The following NALF1 variants were observed in gnomAD, a reference collection of about 807,000 sequenced individuals.
The protein encoded by NALF1 is family with sequence similarity 155 member A.
Under a neutral mutation model 48.4 loss-of-function variants are expected in NALF1, and 3 were observed. The ratio of observed to expected loss-of-function variants is 0.06; its 90% CI spans 0.03 to 0.16. The LOEUF is 0.16. Ranked by LOEUF, NALF1 falls within the 10% of genes least tolerant of loss-of-function variation. NALF1 has a pLI of 1.00. For synonymous variants in NALF1, 262 were observed against 245.7 expected (o/e 1.07, Z -0.62); for missense variants, 526 against 571.5 (o/e 0.92, Z 0.81).
At chr13:107,316,602 A>T (rs1882154949) in intron 1 of NALF1, among the ~76,000 whole-genome samples, 1 of 152,156 alleles carries the variant, frequency 6.6e-6, no homozygotes, top group African/African-American at 2.4e-5. Flanking sequence ...AACTGGTGTG[A>T]GATGGTATCT....
chr13:107,739,132 G>A (rs1309339449), intron 1 of NALF1, among the ~76,000 whole-genome samples: 3 of 151,868 alleles, frequency 2.0e-5, no homozygotes, highest in Non-Finnish European at 4.4e-5. Context: ...ACACAGGGAG[G>A]GAAACATCAC....
intron 2 of NALF1, among the ~76,000 whole-genome samples, chr13:107,188,204 C>T (rs1879216068): frequency 6.6e-6 from 1 of 152,044 alleles, no homozygotes; most frequent in Non-Finnish European, 1.5e-5. Flanking sequence ...AATATCTCTT[C>T]ATTTTATATT....
At chr13:107,716,272 A>G (rs921504304) in intron 1 of NALF1, among the ~76,000 whole-genome samples, 1 of 152,214 alleles carries the variant, frequency 6.6e-6, no homozygotes, top group Non-Finnish European at 1.5e-5. Flanking sequence ...AGAACTTTCA[A>G]CCACTCGAGA....
chr13:107,824,997 G>C (rs1024375332), intron 1 of NALF1, among the ~76,000 whole-genome samples: 1 of 152,068 alleles, frequency 6.6e-6, no homozygotes, highest in Non-Finnish European at 1.5e-5. Flanking sequence ...TAGCTACAAT[G>C]CTTTTGTTGT....
At chr13:107,680,759 ATG>A (rs1425970605) in intron 1 of NALF1, among the ~76,000 whole-genome samples, 2 of 142,686 alleles carry the variant, frequency 1.4e-5, no homozygotes, top group African/African-American at 2.6e-5. Context: ...GTGTAAGAGT[ATG>A]TGAGTGTGCA....
chr13:107,793,521 A>G (rs2138589296), intron 1 of NALF1, among the ~76,000 whole-genome samples: 1 of 152,340 alleles, frequency 6.6e-6, no homozygotes, highest in South Asian at 2.1e-4. Context: ...TAATTTTCGC[A>G]AAGACACCAG....
At chr13:107,440,460 C>T (rs1170757963) in intron 1 of NALF1, among the ~76,000 whole-genome samples, 1 of 152,144 alleles carries the variant, frequency 6.6e-6, no homozygotes, top group Non-Finnish European at 1.5e-5. Flanking sequence ...AGTTACTTAG[C>T]ATCACTCTAT....
intron 1 of NALF1, among the ~76,000 whole-genome samples, chr13:107,417,260 G>A (rs556723209): frequency 1.2e-4 from 19 of 152,234 alleles, no homozygotes; most frequent in Admixed American, 3.3e-4. Flanking sequence ...TTTGTCCTGG[G>A]TCCCTAACCA....
rs530920816 is a variant in NALF1, at chr13:107,418,854, A to G, written c.916-208099T>C. On this transcript the variant is annotated intron_variant, in intron 1 of 2. Transcript: ENST00000375915. Reference sequence around the variant, plus strand: ...AACACAAATCACTTACACGTACTCAAAATCTAAAATAAGTAATCTCACTTA... The same window carrying G: ...AACACAAATCACTTACACGTACTCAGAATCTAAAATAAGTAATCTCACTTA... Among the ~76,000 whole-genome samples the G allele has an allele frequency of 1.3e-4, 20 of 152,326 alleles. No homozygotes were observed. In the Middle Eastern group the frequency reaches 0.017, roughly 130 times the overall value.
intron 1 of NALF1, among the ~76,000 whole-genome samples, chr13:107,315,854 G>T (rs1000020054): frequency 6.7e-6 from 1 of 149,004 alleles, no homozygotes; most frequent in African/African-American, 2.5e-5. Flanking sequence ...AATGATAAAT[G>T]AATTGAAGCC....
chr13:107,231,665 C>T (rs575430012), intron 1 of NALF1, among the ~76,000 whole-genome samples: 31 of 152,270 alleles, frequency 2.0e-4, no homozygotes, highest in East Asian at 1.5e-3. Flanking sequence ...TTTTGAGCTA[C>T]GCAAAAAATT....
intron 2 of NALF1, among the ~76,000 whole-genome samples, chr13:107,175,698 TAG>T (rs1491461820): frequency 6.6e-6 from 1 of 152,154 alleles, no homozygotes; most frequent in Non-Finnish European, 1.5e-5. Context: ...TTGCCTTATA[TAG>T]AGTCAGTAGG....
At chr13:107,825,656 AAT>A (rs1227963929) in intron 1 of NALF1, among the ~76,000 whole-genome samples, 1 of 152,254 alleles carries the variant, frequency 6.6e-6, no homozygotes, top group Non-Finnish European at 1.5e-5. Context: ...ACATATCACT[AAT>A]ATAAAGTTCT....
At chr13:107,299,468 T>TAATAATAATA (rs1330450182) in intron 1 of NALF1, among the ~76,000 whole-genome samples, 26 of 59,216 alleles carry the variant, frequency 4.4e-4, no homozygotes, top group East Asian at 2.8e-3. Flanking sequence ...ATAATAATAA[T>TAATAATAATA]AATAAATAAA....
At position 107,531,017 on chromosome 13, in the gene NALF1, C is replaced by CAT. The variant is rs3072957; in HGVS notation, c.916-320264_916-320263dup. On this transcript the variant is annotated intron_variant, in intron 1 of 2. Transcript: ENST00000375915. Reference sequence around the variant, plus strand: ...GAACTCTGCTGAACATTGTCATTCACATATATATATATATATACATCTGAG... The same window carrying CAT: ...GAACTCTGCTGAACATTGTCATTCACATATATATATATATATATACATCTGAG... Among the ~76,000 whole-genome samples the CAT allele has an allele frequency of 2.6e-3, 387 of 150,622 alleles. 1 individual carries two copies. Among genetic ancestry groups the CAT allele is most frequent in the Admixed American group, 4.2e-3 (63 of 15,074 alleles).
At chr13:107,173,384 A>G (rs1393983332) in intron 2 of NALF1, among the ~76,000 whole-genome samples, 1 of 152,158 alleles carries the variant, frequency 6.6e-6, no homozygotes, top group Non-Finnish European at 1.5e-5. Flanking sequence ...TAGCTCAACC[A>G]TGTAGTAAAG....
chr13:107,775,338 G>A (rs1594258585), intron 1 of NALF1, among the ~76,000 whole-genome samples: 1 of 149,322 alleles, frequency 6.7e-6, no homozygotes, highest in East Asian at 2.0e-4. Flanking sequence ...AGTTTACTGA[G>A]AATGATGATT....
At chr13:107,376,440 T>A (rs1267140919) in intron 1 of NALF1, among the ~76,000 whole-genome samples, 1 of 152,214 alleles carries the variant, frequency 6.6e-6, no homozygotes, top group Non-Finnish European at 1.5e-5. Context: ...TGCTTCCCCC[T>A]GGACTCCCAC....
chr13:107,849,770 CTTCTT>C (rs1386550098), intron 1 of NALF1, among the ~76,000 whole-genome samples: 1 of 152,214 alleles, frequency 6.6e-6, no homozygotes, highest in African/African-American at 2.4e-5. Flanking sequence ...TGCAAGCTCT[CTTCTT>C]TTCCTTTTTT....
Sources: allele counts gnomAD v4.1 joint callset (sites outside exome capture counted in the v4.1 genomes callset), GRCh38; gene constraint gnomAD v4.1.1; transcripts MANE v1.5; gene names NCBI Gene and HGNC (gene_info 2026-07-23, HGNC 2026-07-21).